Variants in ADGRV1 observed in about 807,000 individuals in gnomAD.
ADGRV1 encodes the protein adhesion G protein-coupled receptor V1, also known as G-protein coupled receptor 98.
Under a neutral mutation model 596.2 loss-of-function variants are expected in ADGRV1, and 359 were observed. The ratio of observed to expected loss-of-function variants is 0.60; its 90% CI spans 0.55 to 0.66. The LOEUF (loss-of-function observed/expected upper bound fraction) is 0.66, where lower values mean the gene tolerates loss of function less well. ADGRV1 is among the 30% of genes least tolerant of loss of function. ADGRV1 has a pLI of 0.00. For synonymous variants in ADGRV1, 2,681 were observed against 2,679.2 expected, an observed-to-expected ratio of 1.00 and a Z score of -0.02; for missense variants, 7,274 against 7,575.6, an observed-to-expected ratio of 0.96 and a Z score of 1.48.
At chr5:90,596,466 C>A (rs555990180) in intron 1 of ADGRV1, among the ~76,000 whole-genome samples, 1 of 151,910 alleles carries the variant, frequency 6.6e-6, no homozygotes, top group African/African-American at 2.4e-5. Flanking sequence ...TGTAGCGAGC[C>A]GAGATCACGC....
intron 38 of ADGRV1, among the ~76,000 whole-genome samples, 180 bp downstream of exon 38, chr5:90,706,574 T>C (rs1193641362): frequency 2.0e-5 from 3 of 152,120 alleles, no homozygotes; most frequent in Non-Finnish European, 2.9e-5. Context: ...CTTATTATTG[T>C]ATTAAACCTG....
rs980604130 is a variant in ADGRV1 at position 90,968,851 on chromosome 5, A to G, written c.17973+3320A>G. Among the ~76,000 whole-genome samples the G allele has an allele frequency of 5.3e-5, 8 of 152,212 alleles. 1 individual carries two copies. Among genetic ancestry groups the G allele is most frequent in the Admixed American group, 4.6e-4 (7 of 15,280 alleles). On this transcript the variant is annotated intron_variant, in intron 84 of 89. Transcript: ENST00000405460. ...TTCTACTTCATTTTTTTAGTAATAT[A>G]GGAGCGAATATGATACTACATATGT...
At chr5:91,055,890 T>C (rs1310768316) in intron 85 of ADGRV1, among the ~76,000 whole-genome samples, 1 of 152,224 alleles carries the variant, frequency 6.6e-6, no homozygotes, top group African/African-American at 2.4e-5. Context: ...ATAGAATCCA[T>C]TACAATGAAC....
intron 87 of ADGRV1, among the ~76,000 whole-genome samples, chr5:91,104,742 A>G (rs1382759628): frequency 2.0e-5 from 3 of 152,124 alleles, no homozygotes; most frequent in East Asian, 1.9e-4. Flanking sequence ...AGTTCCATCT[A>G]TGTTGCCATA....
chr5:90,642,892 A>AG lies in ADGRV1; in HGVS notation c.2409dup (p.Ser804ValfsTer4). 6.2e-7 allele frequency: 1 copy of AG among 1,611,194 alleles called. No homozygotes were observed. The highest frequency in any genetic ancestry group is 8.5e-7 in the Non-Finnish European group (1 of 1,178,586). On this transcript the variant is annotated frameshift_variant, in exon 13 of 90. Transcript: ENST00000405460. LOFTEE classifies it high-confidence loss of function. ...TGTAGAGCTCCACATCATCCGATCA[A>AG]GGGGGTCCCTTGTTAAGCAGTTTCT...
intron 10 of ADGRV1, among the ~76,000 whole-genome samples, chr5:90,635,980 A>G (rs1766147157): frequency 6.6e-6 from 1 of 150,404 alleles, no homozygotes; most frequent in Non-Finnish European, 1.5e-5. Context: ...AGCATTCCAT[A>G]TGCTTGGGTT....
intron 64 of ADGRV1, among the ~76,000 whole-genome samples, chr5:90,780,885 T>C (rs1758764175): frequency 6.6e-6 from 1 of 152,162 alleles, no homozygotes; most frequent in African/African-American, 2.4e-5. Flanking sequence ...AAATTAGTTT[T>C]TAGTAGAGAC....
chr5:90,784,462 T>C (rs1027463890), intron 67 of ADGRV1, among the ~76,000 whole-genome samples: 1 of 152,202 alleles, frequency 6.6e-6, no homozygotes, highest in Non-Finnish European at 1.5e-5. Flanking sequence ...ATTGATCTGA[T>C]AACAGTAAGG....
Position 90,745,583 on chromosome 5 carries a change from T to A in ADGRV1, c.10770-8T>A. 1 of 1,594,368 alleles carries A rather than the reference T, an allele frequency of 6.3e-7. No individual in the cohort carries two copies. The highest frequency in any genetic ancestry group is 2.2e-5 in the East Asian group (1 of 44,712). On this transcript the variant is annotated splice_polypyrimidine_tract_variant and splice_region_variant and intron_variant, in intron 51 of 89. Transcript: ENST00000405460. Reference sequence around the variant, plus strand: ...GTTGACTTATTTTGTATATGCTTCTTATGGTAGTTCAGGTGAACTGATATT... The same window carrying A: ...GTTGACTTATTTTGTATATGCTTCTAATGGTAGTTCAGGTGAACTGATATT...
chr5:91,024,461 A>G (rs1244912829), intron 85 of ADGRV1, among the ~76,000 whole-genome samples: 3 of 152,140 alleles, frequency 2.0e-5, no homozygotes, highest in African/African-American at 7.2e-5. Flanking sequence ...CATCCTCTGT[A>G]AGTCAGCATT....
At chr5:90,844,719 G>GTGTTT (rs1765715163) in intron 78 of ADGRV1, among the ~76,000 whole-genome samples, 1 of 152,130 alleles carries the variant, frequency 6.6e-6, no homozygotes. Context: ...ACTTGAAAGA[G>GTGTTT]CACAGGAATA....
At chr5:90,973,382 T>A (rs1362175562) in intron 84 of ADGRV1, among the ~76,000 whole-genome samples, 1 of 152,180 alleles carries the variant, frequency 6.6e-6, no homozygotes, top group Admixed American at 6.5e-5. Flanking sequence ...CACCAAAGCC[T>A]GGCAGAGACA....
intron 70 of ADGRV1, among the ~76,000 whole-genome samples, chr5:90,794,383 A>G (rs1248516561): frequency 6.6e-6 from 1 of 152,222 alleles, no homozygotes. Context: ...AATAAGAATC[A>G]TTGACCTGCT....
intron 1 of ADGRV1, among the ~76,000 whole-genome samples, chr5:90,605,876 A>G (rs1762056796): frequency 1.3e-5 from 2 of 152,234 alleles, no homozygotes; most frequent in African/African-American, 4.8e-5. Context: ...CTTATGGATT[A>G]TATGTTTCAC....
Position 90,679,617 on chromosome 5 carries a change from A to G in ADGRV1, c.5512A>G (p.Ile1838Val), listed in dbSNP as rs777348614. ...GGACATGGAATTCTTCCTTCCAACTATTCACAAACGTGGTAAGCAGTTTTT... is the reference window on the plus strand; with the variant it reads ...GGACATGGAATTCTTCCTTCCAACTGTTCACAAACGTGGTAAGCAGTTTTT... ...DGDMEFFLPT[I>V]HKRASLGVAS... The change falls in exon 26 of 90, where the codon ATT becomes GTT. Residue 1838 changes from isoleucine to valine, a missense_variant. By Grantham distance (29) the Ile-to-Val change is conservative. Coordinates refer to ENST00000405460, the MANE Select transcript of ADGRV1 (RefSeq NM_032119.4). 1.2e-6 allele frequency: 2 copies of G among 1,613,070 alleles called. No individual in the cohort carries two copies. The highest frequency in any genetic ancestry group is 1.7e-6 in the Non-Finnish European group (2 of 1,179,172).
At chr5:90,695,665 A>G (rs1040013155) in intron 33 of ADGRV1, among the ~76,000 whole-genome samples, 11 of 148,028 alleles carry the variant, frequency 7.4e-5, no homozygotes, top group African/African-American at 2.3e-4. Flanking sequence ...GTCATGGTAC[A>G]TATGTAATAC....
intron 83 of ADGRV1, among the ~76,000 whole-genome samples, chr5:90,922,090 T>C (rs1773932623): frequency 6.6e-6 from 1 of 152,218 alleles, no homozygotes; most frequent in Non-Finnish European, 1.5e-5. Context: ...TAGACTTTGG[T>C]GGACAGTCCC....
At chr5:90,729,589 A>AT (rs1198001375) in intron 49 of ADGRV1, 53 bp from the exon 50 acceptor site, 7 of 1,407,396 alleles carry the variant, frequency 5.0e-6, no homozygotes, top group South Asian at 2.6e-5. Context: ...TAATTTTGTC[A>AT]TTTTTTTCTG....
At chr5:90,846,707 T>C (rs973098164) in intron 78 of ADGRV1, 5 of 152,524 alleles carry the variant, frequency 3.3e-5, no homozygotes, top group African/African-American at 1.2e-4. Context: ...TAGCAAGATT[T>C]ATTGCAAAGA....
Sources: allele counts gnomAD v4.1 joint callset (sites outside exome capture counted in the v4.1 genomes callset), GRCh38; gene constraint gnomAD v4.1.1; transcripts MANE v1.5; gene names NCBI Gene and HGNC (gene_info 2026-07-23, HGNC 2026-07-21).